Variants in PAPSS2 observed in about 807,000 individuals in gnomAD.
PAPSS2 encodes the protein 3'-phosphoadenosine 5'-phosphosulfate synthase 2.
In PAPSS2, 61 loss-of-function variants were observed where a neutral mutation model predicts 66.5. The observed-to-expected ratio is 0.92, with a 90% CI of 0.75 to 1.14. The LOEUF (loss-of-function observed/expected upper bound fraction) is 1.14. PAPSS2 is among the 50% of genes most tolerant of loss of function. The pLI, the probability that PAPSS2 is intolerant of heterozygous loss-of-function variation, is 0.00. For synonymous variants in PAPSS2, 289 were observed against 287.5 expected, an observed-to-expected ratio of 1.01 and a Z score of -0.05; for missense variants, 708 against 789.6, an observed-to-expected ratio of 0.90 and a Z score of 1.24.
intron 3 of PAPSS2, among the ~76,000 whole-genome samples, 175 bp from the exon 4 acceptor site, chr10:87,713,869 C>T (rs926000852): frequency 6.6e-6 from 1 of 152,080 alleles, no homozygotes; most frequent in African/African-American, 2.4e-5. Flanking sequence ...TGTGAAAGTC[C>T]TTGAGAGAGC....
At chr10:87,689,405 C>T (rs1440720759) in intron 1 of PAPSS2, among the ~76,000 whole-genome samples, 2 of 148,806 alleles carry the variant, frequency 1.3e-5, no homozygotes, top group Non-Finnish European at 3.0e-5. Flanking sequence ...GCGCAGTGGC[C>T]CAGGCCTGTA....
chr10:87,713,138 C>A lies in PAPSS2; in HGVS notation c.209C>A (p.Ala70Asp). 6.2e-7 allele frequency: 1 copy of A among 1,613,414 alleles called. No homozygotes were observed. Among genetic ancestry groups the A allele is most frequent in the Non-Finnish European group, 8.5e-7 (1 of 1,179,704 alleles). The change falls in exon 3 of 13, where the codon GCC becomes GAC. Residue 70 changes from alanine to aspartate, a missense_variant. By Grantham distance (126) the Ala-to-Asp change is moderately radical. Coordinates refer to ENST00000456849, the MANE Select transcript of PAPSS2 (RefSeq NM_001015880.2). The part of the protein sequence containing the change: ...FALEEYLVSH[A>D]IPCYSLDGDN... ...CTGGAGGAGTACCTTGTCTCCCATG[C>A]CATCCCTTGTTACTCCCTGGATGGG...
intron 1 of PAPSS2, among the ~76,000 whole-genome samples, chr10:87,665,559 A>G (rs1013063253): frequency 2.6e-5 from 4 of 152,138 alleles, no homozygotes; most frequent in African/African-American, 9.7e-5. Flanking sequence ...TTGGATTGCT[A>G]TTTTGCACAT....
chr10:87,743,118 C>T (rs573653386), intron 10 of PAPSS2, among the ~76,000 whole-genome samples: 5 of 152,122 alleles, frequency 3.3e-5, no homozygotes, highest in South Asian at 2.1e-4. Context: ...TGGTGGCACA[C>T]GCCTGTAATC....
chr10:87,699,917 A>G (rs181597868), intron 1 of PAPSS2, among the ~76,000 whole-genome samples: 22 of 152,122 alleles, frequency 1.4e-4, no homozygotes, highest in Admixed American at 1.2e-3. Context: ...AATATTGAAA[A>G]CTAGAATATA....
intron 1 of PAPSS2, among the ~76,000 whole-genome samples, chr10:87,695,329 T>C (rs1379703211): frequency 1.3e-5 from 2 of 152,190 alleles, no homozygotes; most frequent in Non-Finnish European, 2.9e-5. Context: ...CCTCATGATC[T>C]AATTACCTGC....
chr10:87,677,530 T>G lies in PAPSS2; in HGVS notation c.27+17522T>G, dbSNP rs1391335455. Among the ~76,000 whole-genome samples, 18 of 152,230 alleles carry G rather than the reference T, an allele frequency of 1.2e-4. 1 individual carries two copies. The highest frequency in any genetic ancestry group is 1.2e-3 in the Admixed American group (18 of 15,284). On this transcript the variant is annotated intron_variant, in intron 1 of 12. Transcript: ENST00000456849. ...GACAGAAATCAAATTGCTTGACATC[T>G]AGTAACCAGAGTGGACATGAAAGAG...
chr10:87,699,707 G>T (rs1414286607), intron 1 of PAPSS2, among the ~76,000 whole-genome samples: 1 of 151,790 alleles, frequency 6.6e-6, no homozygotes, highest in Non-Finnish European at 1.5e-5. Context: ...AAAATTAGCT[G>T]GGCGTGGTGG....
chr10:87,682,900 G>A (rs1282297313), intron 1 of PAPSS2, among the ~76,000 whole-genome samples: 1 of 152,156 alleles, frequency 6.6e-6, no homozygotes, highest in Non-Finnish European at 1.5e-5. Context: ...CAGGAAAGGA[G>A]GATAGAGAGC....
chr10:87,684,259 G>A (rs1366091360), intron 1 of PAPSS2, among the ~76,000 whole-genome samples: 1 of 152,184 alleles, frequency 6.6e-6, no homozygotes, highest in Non-Finnish European at 1.5e-5. Context: ...CTGGATAATT[G>A]TTGCAGGAAT....
chr10:87,697,074 T>A (rs1182345239), intron 1 of PAPSS2, among the ~76,000 whole-genome samples: 1 of 152,212 alleles, frequency 6.6e-6, no homozygotes. Context: ...TTTAGTTTTG[T>A]CTCCTTAGGT....
At position 87,713,230 on chromosome 10, in the gene PAPSS2, C is replaced by T. The variant is rs1354947408; in HGVS notation, c.301C>T (p.Arg101Cys). The T allele has an allele frequency of 9.4e-6, 15 of 1,603,752 alleles. No individual in the cohort carries two copies. Among genetic ancestry groups the T allele is most frequent in the East Asian group, 4.6e-5 (2 of 43,630 alleles). The change falls in exon 3 of 13, where the codon CGC (arginine) becomes TGC (cysteine). Residue 101 changes from arginine to cysteine, a missense_variant. Physicochemically the swap from Arg to Cys is radical, Grantham distance 180 (BLOSUM62 -3). Transcript: ENST00000456849. ...FSPGDREENI[R>C]RIAEVAKLFA... ...TCCTGGGGACAGAGAGGAAAATATC[C>T]GCCGGATTGCTGAGGTGGCTAAGCT...
chr10:87,735,236 T>C (rs1421438755), intron 9 of PAPSS2, among the ~76,000 whole-genome samples: 1 of 152,186 alleles, frequency 6.6e-6, no homozygotes, highest in African/African-American at 2.4e-5. Flanking sequence ...TCCTGACAGC[T>C]GGACACAGTT....
chr10:87,745,837 A>G lies in PAPSS2; in HGVS notation c.1727A>G (p.Asn576Ser), dbSNP rs1157569119. Reference sequence around the variant, plus strand: ...TTGTTGCCACCCTGTAACAGGCACAATGAGTTTGACTTCATCTCAGGAACT... The same window carrying G: ...TTGTTGCCACCCTGTAACAGGCACAGTGAGTTTGACTTCATCTCAGGAACT... ...AMDFYDPARH[N>S]EFDFISGTRM... Residue 576 changes from asparagine (N) to serine (S), a missense_variant, in exon 13 of 13, where the codon AAT becomes AGT. Coordinates refer to ENST00000456849, the MANE Select transcript of PAPSS2 (RefSeq NM_001015880.2). The G allele has an allele frequency of 1.2e-6, 2 of 1,614,058 alleles. No individual in the cohort carries two copies. The highest frequency in any genetic ancestry group is 1.7e-6 in the Non-Finnish European group (2 of 1,179,948).
At chr10:87,736,263 C>CTTTTT (rs10553485) in intron 9 of PAPSS2, among the ~76,000 whole-genome samples, 63 of 103,222 alleles carry the variant, frequency 6.1e-4, no homozygotes, top group Middle Eastern at 5.8e-3. Context: ...TTCTTTCTTT[C>CTTTTT]TTTTTTTTTT....
At chr10:87,715,229 T>C (rs1853518550) in intron 6 of PAPSS2, 131 bp downstream of exon 6, 3 of 686,226 alleles carry the variant, frequency 4.4e-6, no homozygotes, top group Non-Finnish European at 2.6e-6. Flanking sequence ...CACTCCTTTT[T>C]TTCCAAGTTA....
chr10:87,706,087 T>C, intron 1 of PAPSS2, among the ~76,000 whole-genome samples: 1 of 27,560 alleles, frequency 3.6e-5, no homozygotes, highest in East Asian at 1.0e-3. Flanking sequence ...TCACATGGTA[T>C]ATATATATAT....
At chr10:87,716,589 T>C (rs939458001) in intron 7 of PAPSS2, among the ~76,000 whole-genome samples, 1 of 152,198 alleles carries the variant, frequency 6.6e-6, no homozygotes, top group Admixed American at 6.5e-5. Context: ...TTTGTAATGC[T>C]GAGCAGGGCT....
chr10:87,719,365 T>C (rs1417270744), intron 7 of PAPSS2, among the ~76,000 whole-genome samples: 1 of 152,226 alleles, frequency 6.6e-6, no homozygotes, highest in Non-Finnish European at 1.5e-5. Flanking sequence ...TAACTGTACC[T>C]ACCTACCTCA....
Sources: allele counts gnomAD v4.1 joint callset (sites outside exome capture counted in the v4.1 genomes callset), GRCh38; gene constraint gnomAD v4.1.1; transcripts MANE v1.5; gene names NCBI Gene and HGNC (gene_info 2026-07-23, HGNC 2026-07-21).